Variants in MPP7 observed in about 807,000 individuals in gnomAD.
MPP7 encodes the protein MAGUK p55 scaffold protein 7.
In MPP7, 60 loss-of-function variants were observed where a neutral mutation model predicts 76.5. The observed-to-expected ratio is 0.78, with a 90% CI of 0.64 to 0.97. The LOEUF is 0.97. Ranked by LOEUF, MPP7 falls within the 50% of genes least tolerant of loss-of-function variation. MPP7 has a pLI of 0.00. For synonymous variants in MPP7, 237 were observed against 244.5 expected (o/e 0.97, Z 0.29); for missense variants, 641 against 694.0 (o/e 0.92, Z 0.86).
chr10:28,333,688 G>A (rs943276405), intron 1 of MPP7, among the ~76,000 whole-genome samples: 1 of 152,182 alleles, frequency 6.6e-6, no homozygotes, highest in Non-Finnish European at 1.5e-5. Flanking sequence ...ACTTTTTCAA[G>A]TATTTTGCAG....
At chr10:28,072,780 C>T (rs75786297) in intron 12 of MPP7, among the ~76,000 whole-genome samples, 43 of 152,354 alleles carry the variant, frequency 2.8e-4, no homozygotes, top group Non-Finnish European at 5.9e-4. Flanking sequence ...ATCCAAATTC[C>T]CCAGTATGGT....
chr10:28,202,655 C>CT (rs1429657262), intron 2 of MPP7, among the ~76,000 whole-genome samples: 2 of 152,090 alleles, frequency 1.3e-5, no homozygotes, highest in Admixed American at 6.6e-5. Flanking sequence ...GAAAAACTTC[C>CT]TTAGAAGAAC....
At chr10:28,266,002 C>G (rs2132985882) in intron 1 of MPP7, among the ~76,000 whole-genome samples, 2 of 152,272 alleles carry the variant, frequency 1.3e-5, no homozygotes, top group Middle Eastern at 6.8e-3. Flanking sequence ...GGGTCTCACT[C>G]TGTCACCCAG....
At chr10:28,156,386 T>C (rs1016714834) in intron 3 of MPP7, among the ~76,000 whole-genome samples, 14 of 152,314 alleles carry the variant, frequency 9.2e-5, no homozygotes, top group African/African-American at 3.4e-4. Flanking sequence ...CTCGTCTCCC[T>C]TTGACTACAC....
intron 6 of MPP7, among the ~76,000 whole-genome samples, chr10:28,127,639 T>C (rs1205848152): frequency 1.3e-5 from 2 of 152,054 alleles, no homozygotes; most frequent in Admixed American, 6.5e-5. Flanking sequence ...AAGAACAGCA[T>C]GGGAAAGACC....
intron 11 of MPP7, among the ~76,000 whole-genome samples, chr10:28,099,205 C>T (rs962644531): frequency 4.4e-4 from 67 of 152,110 alleles, no homozygotes; most frequent in African/African-American, 1.6e-3. Context: ...CCCATACTAA[C>T]AGCCTCCAAA....
chr10:28,119,961 T>C (rs571667931), intron 10 of MPP7, among the ~76,000 whole-genome samples: 2 of 152,150 alleles, frequency 1.3e-5, no homozygotes, highest in African/African-American at 4.8e-5. Context: ...AAGATATTAA[T>C]GTGCTATTTT....
At chr10:28,273,783 T>C (rs1840402301) in intron 1 of MPP7, among the ~76,000 whole-genome samples, 1 of 152,258 alleles carries the variant, frequency 6.6e-6, no homozygotes, top group Non-Finnish European at 1.5e-5. Flanking sequence ...CAGATTTTTA[T>C]TCTTATCCCT....
At chr10:28,292,449 C>CG (rs1840943625) in intron 1 of MPP7, among the ~76,000 whole-genome samples, 2 of 140,894 alleles carry the variant, frequency 1.4e-5, no homozygotes, top group African/African-American at 2.7e-5. Context: ...AAGATCATTA[C>CG]GGAAAAAAAA....
rs140550445 is a variant in MPP7, at chr10:28,260,046, G to T, written c.-131-21311C>A. Among the ~76,000 whole-genome samples the T allele has an allele frequency of 4.8e-3, 735 of 152,210 alleles. 5 individuals are homozygous for T. The highest frequency in any genetic ancestry group is 8.5e-3 in the Non-Finnish European group (579 of 67,994). ...AAAAACTCTTCATTAGAATACTTCA[G>T]AAATAACCCTGCATGTCCATACTTA... On this transcript the variant is annotated intron_variant, in intron 1 of 16. Coordinates refer to ENST00000683449, the MANE Select transcript of MPP7 (RefSeq NM_001318170.2).
intron 1 of MPP7, among the ~76,000 whole-genome samples, chr10:28,289,515 G>A (rs774419752): frequency 3.9e-5 from 6 of 152,204 alleles, no homozygotes; most frequent in East Asian, 1.9e-4. Context: ...CTTAAGAACT[G>A]GGGCAAGAAG....
chr10:28,234,036 C>T (rs1027333847), intron 2 of MPP7, among the ~76,000 whole-genome samples: 2 of 152,076 alleles, frequency 1.3e-5, no homozygotes, highest in African/African-American at 4.8e-5. Flanking sequence ...ACTCCAGCAG[C>T]GATAAGCAAA....
chr10:28,312,978 T>C (rs1274932948), intron 2 of MPP7, among the ~76,000 whole-genome samples: 3 of 152,140 alleles, frequency 2.0e-5, no homozygotes, highest in Non-Finnish European at 4.4e-5. Flanking sequence ...GAGGGGCAGT[T>C]TGAGGATGTG....
At chr10:28,244,263 T>C (rs1839362471) in intron 1 of MPP7, among the ~76,000 whole-genome samples, 1 of 152,192 alleles carries the variant, frequency 6.6e-6, no homozygotes, top group Non-Finnish European at 1.5e-5. Context: ...GGTCATTATT[T>C]ATACATTCAA....
At chr10:28,264,625 CAG>C (rs1200729140) in intron 1 of MPP7, among the ~76,000 whole-genome samples, 2 of 149,700 alleles carry the variant, frequency 1.3e-5, no homozygotes, top group East Asian at 3.9e-4. Flanking sequence ...AAGAAAAAGA[CAG>C]AAAGTCTGAC....
intron 12 of MPP7, among the ~76,000 whole-genome samples, chr10:28,089,222 C>G (rs937743310): frequency 6.6e-6 from 1 of 152,106 alleles, no homozygotes; most frequent in Admixed American, 6.6e-5. Context: ...CAATTATCAA[C>G]TTTAAAGCGA....
intron 6 of MPP7, among the ~76,000 whole-genome samples, chr10:28,130,066 C>G (rs1051235417): frequency 1.3e-5 from 2 of 152,118 alleles, no homozygotes; most frequent in Non-Finnish European, 2.9e-5. Flanking sequence ...TAACCATTCT[C>G]TCCTTGAGCA....
upstream of MPP7, among the ~76,000 whole-genome samples, chr10:28,308,048 C>A (rs757106170): frequency 6.6e-6 from 1 of 152,238 alleles, no homozygotes; most frequent in African/African-American, 2.4e-5. Flanking sequence ...CACTTCCCCT[C>A]GCTTTCTCAT....
chr10:28,085,093 T>A (rs1319528531), intron 12 of MPP7, among the ~76,000 whole-genome samples: 1 of 152,194 alleles, frequency 6.6e-6, no homozygotes, highest in African/African-American at 2.4e-5. Context: ...GGAGATTTTT[T>A]AAAAAGTAAG....
Sources: allele counts gnomAD v4.1 joint callset (sites outside exome capture counted in the v4.1 genomes callset), GRCh38; gene constraint gnomAD v4.1.1; transcripts MANE v1.5; gene names NCBI Gene and HGNC (gene_info 2026-07-23, HGNC 2026-07-21).